Variants in EIF3H observed in about 807,000 individuals in gnomAD.
EIF3H encodes the protein eukaryotic translation initiation factor 3 subunit H.
In EIF3H, 26 loss-of-function variants were observed where a neutral mutation model predicts 44.2. The ratio of observed to expected loss-of-function variants is 0.59; its 90% CI spans 0.43 to 0.82. The LOEUF is 0.82. Among genes scored for constraint, EIF3H ranks in the 40% least tolerant of loss-of-function variants. The pLI is 0.00. For synonymous variants in EIF3H, 166 were observed against 151.9 expected, an observed-to-expected ratio of 1.09 and a Z score of -0.68; for missense variants, 359 against 432.8, an observed-to-expected ratio of 0.83 and a Z score of 1.51.
intron 1 of EIF3H, among the ~76,000 whole-genome samples, chr8:116,754,376 G>T (rs1244043790): frequency 1.3e-5 from 2 of 152,292 alleles, no homozygotes; most frequent in East Asian, 1.9e-4. Context: ...CTCCCAAAGT[G>T]CTGGGATTAC....
At chr8:116,725,290 G>A (rs1164065606) in intron 2 of EIF3H, among the ~76,000 whole-genome samples, 1 of 152,168 alleles carries the variant, frequency 6.6e-6, no homozygotes, top group Non-Finnish European at 1.5e-5. Context: ...TGGAAAAAGG[G>A]ATTGTTCGAT....
chr8:116,698,863 A>G (rs932053578), intron 2 of EIF3H, among the ~76,000 whole-genome samples: 1 of 152,142 alleles, frequency 6.6e-6, no homozygotes, highest in Admixed American at 6.5e-5. Context: ...AAATTTATAT[A>G]TAGGCAGAGT....
chr8:116,730,289 C>G (rs1048064113), intron 1 of EIF3H, among the ~76,000 whole-genome samples: 4 of 152,170 alleles, frequency 2.6e-5, no homozygotes, highest in African/African-American at 9.7e-5. Flanking sequence ...AGCTCTGTCT[C>G]CTGTCAGGTG....
At chr8:116,739,264 T>C (rs1469663940) in intron 1 of EIF3H, among the ~76,000 whole-genome samples, 2 of 152,230 alleles carry the variant, frequency 1.3e-5, no homozygotes, top group Non-Finnish European at 2.9e-5. Flanking sequence ...GACCCATCCC[T>C]TTATTTAGGC....
upstream of EIF3H, among the ~76,000 whole-genome samples, chr8:116,756,817 C>T (rs935280235): frequency 1.3e-5 from 2 of 152,148 alleles, no homozygotes; most frequent in African/African-American, 4.8e-5. Flanking sequence ...ATACACCAAA[C>T]CCTAGGTCAC....
chr8:116,755,748 G>T lies in EIF3H; in HGVS notation c.50C>A (p.Ser17Tyr), dbSNP rs753808300. The T allele has an allele frequency of 1.9e-6, 3 of 1,614,054 alleles. No homozygotes were observed. In the South Asian group the frequency reaches 3.3e-5, roughly 18 times the overall value. ...GCCTTTCCCTGCTGCGCCGGCGGTG[G>T]AGCTGGAAGAGGTGGCAGTAGAGCC... is the stretch of plus-strand genomic sequence containing the variant. ...GTGSTATSSS[S>Y]TAGAAGKGKG... Residue 17 changes from serine to tyrosine, a missense_variant, in exon 1 of 8, where the codon TCC (serine) becomes TAC (tyrosine). Around this residue, in one of 5 missense-constraint regions of EIF3H, gnomAD observed 59 missense variants for 33.5 expected, o/e 1.76. Coordinates refer to ENST00000521861, the MANE Select transcript of EIF3H (RefSeq NM_003756.3).
Position 116,657,232 on chromosome 8 carries a change from C to A in EIF3H, c.540G>T (p.Lys180Asn). The change falls in exon 4 of 8, where the codon AAG (lysine) becomes AAT (asparagine). Residue 180 changes from lysine to asparagine, a missense_variant. Lys to Asn is a moderately conservative substitution (Grantham distance 94, BLOSUM62 0). Around this residue, in one of 5 missense-constraint regions of EIF3H, gnomAD observed 85 missense variants for 79.2 expected, o/e 1.07. Transcript: ENST00000521861. The part of the protein sequence containing the change: ...TPKLMEVCKE[K>N]DFSPEALKKA... ...ACACTTACGCTTCAGGGGAAAAATC[C>A]TTTTCTTTACAAACTTCCATCAGTT... The A allele has an allele frequency of 6.2e-7, 1 of 1,613,524 alleles. No individual in the cohort carries two copies. The highest frequency in any genetic ancestry group is 1.1e-5 in the South Asian group (1 of 91,068).
intron 1 of EIF3H, among the ~76,000 whole-genome samples, chr8:116,735,531 A>G (rs1159480650): frequency 1.3e-5 from 2 of 152,224 alleles, no homozygotes; most frequent in African/African-American, 2.4e-5. Flanking sequence ...GCAGATGAAT[A>G]AACTGCAGCA....
intron 4 of EIF3H, among the ~76,000 whole-genome samples, chr8:116,656,830 C>T (rs764061443): frequency 3.3e-5 from 5 of 152,124 alleles, no homozygotes; most frequent in Non-Finnish European, 5.9e-5. Flanking sequence ...ATGTTTATAT[C>T]TTTCCCACCC....
At position 116,645,044 on chromosome 8, in the gene EIF3H, G is replaced by T; in HGVS notation, c.1021C>A (p.Leu341Ile). ...TCTTGAAGAGCCTGGGCCATGAAGA[G>T]CTTGCCTAAGTTTTGGGCAGTGAAC... The part of the protein sequence containing the change: ...KEFTAQNLGK[L>I]FMAQALQEYN... The change falls in exon 8 of 8, where the codon CTC (leucine) becomes ATC (isoleucine). Residue 341 changes from leucine to isoleucine, a missense_variant. Leu to Ile is a conservative substitution (Grantham distance 5, BLOSUM62 2). Around this residue, in one of 5 missense-constraint regions of EIF3H, gnomAD observed 94 missense variants for 96.0 expected, o/e 0.98. Coordinates refer to ENST00000521861, the MANE Select transcript of EIF3H (RefSeq NM_003756.3). The T allele has an allele frequency of 6.2e-7, 1 of 1,614,158 alleles. No individual in the cohort carries two copies. The highest frequency in any genetic ancestry group is 1.1e-5 in the South Asian group (1 of 91,086).
At chr8:116,704,226 T>C (rs1030071240) in intron 2 of EIF3H, among the ~76,000 whole-genome samples, 1 of 152,218 alleles carries the variant, frequency 6.6e-6, no homozygotes, top group Admixed American at 6.5e-5. Flanking sequence ...ACAAAGTACT[T>C]AGCTTCTCTA....
At chr8:116,751,160 C>A (rs371059577) in intron 1 of EIF3H, among the ~76,000 whole-genome samples, 1 of 150,924 alleles carries the variant, frequency 6.6e-6, no homozygotes, top group African/African-American at 2.4e-5. Flanking sequence ...TGCAGTGAGC[C>A]GAGATTGCGC....
Position 116,694,144 on chromosome 8 carries a change from C to CT in EIF3H, c.289+31871dup, listed in dbSNP as rs201448890. 5.0e-3 allele frequency among the ~76,000 whole-genome samples: 727 copies of CT among 144,982 alleles called. 4 individuals are homozygous for CT. Among genetic ancestry groups the CT allele is most frequent in the African/African-American group, 8.5e-3 (337 of 39,842 alleles). On this transcript the variant is annotated intron_variant, in intron 2 of 7. Coordinates refer to ENST00000521861, the MANE Select transcript of EIF3H (RefSeq NM_003756.3). ...GCAAGGTCAAGAATTATGAGCAAAC[C>CT]TTTTTTTTTTTTTTACATTGCCAAA...
At chr8:116,659,010 A>C in intron 2 of EIF3H, 30 bp from the exon 3 acceptor site, 2 of 1,562,388 alleles carry the variant, frequency 1.3e-6, no homozygotes, top group Non-Finnish European at 8.7e-7. Flanking sequence ...AAATTAAAAG[A>C]AAAAACTTTT....
At chr8:116,743,796 ATAAACACACACACAC>A (rs1815178499) in intron 1 of EIF3H, among the ~76,000 whole-genome samples, 168 of 98,954 alleles carry the variant, frequency 1.7e-3, no homozygotes, top group African/African-American at 5.6e-3. Context: ...ATATATATAT[ATAAACACACACACAC>A]ACACACACAC....
intron 1 of EIF3H, among the ~76,000 whole-genome samples, chr8:116,733,361 C>T (rs1814982603): frequency 6.6e-6 from 1 of 152,140 alleles, no homozygotes; most frequent in Admixed American, 6.5e-5. Flanking sequence ...ACCCTCTTTC[C>T]CAGAGGTCAG....
chr8:116,738,622 C>A (rs549904532), intron 1 of EIF3H, among the ~76,000 whole-genome samples: 1 of 152,274 alleles, frequency 6.6e-6, no homozygotes, highest in East Asian at 1.9e-4. Flanking sequence ...CTACAATAAA[C>A]CTTCACCAGG....
intron 1 of EIF3H, among the ~76,000 whole-genome samples, chr8:116,727,445 C>G (rs539921234): frequency 1.3e-5 from 2 of 152,198 alleles, no homozygotes; most frequent in Non-Finnish European, 2.9e-5. Flanking sequence ...CCTCTGATGA[C>G]GCCAGAGATA....
intron 6 of EIF3H, among the ~76,000 whole-genome samples, chr8:116,647,577 A>G (rs1813325569): frequency 6.6e-6 from 1 of 152,260 alleles, no homozygotes; most frequent in South Asian, 2.1e-4. Flanking sequence ...ATCAACTACA[A>G]TAAGAGCTAA....
Sources: gnomAD v4.1 joint callset for allele counts (sites outside exome capture counted in the v4.1 genomes callset) on GRCh38, gnomAD v4.1.1 for gene constraint, gnomAD v4.1.1 regional missense constraint, MANE v1.5 for transcripts, NCBI Gene and HGNC (gene_info 2026-07-23, HGNC 2026-07-21) for gene names.